The following USP32 variants were observed in gnomAD, a reference collection of about 807,000 sequenced individuals.
The protein encoded by USP32 is ubiquitin carboxyl-terminal hydrolase 32.
A neutral mutation model predicts 204.8 loss-of-function variants in USP32; 59 were observed. The observed-to-expected ratio is 0.29, with a 90% CI of 0.23 to 0.36. USP32 has a LOEUF of 0.36. Ranked by LOEUF, USP32 falls within the 10% of genes least tolerant of loss-of-function variation. The pLI is 1.00. For synonymous variants in USP32, 517 were observed against 678.4 expected (o/e 0.76, Z 3.70); for missense variants, 1,160 against 1,946.4 (o/e 0.60, Z 7.60).
At chr17:60,246,799 A>AT (rs1286136054) in intron 11 of USP32, among the ~76,000 whole-genome samples, 1 of 152,008 alleles carries the variant, frequency 6.6e-6, no homozygotes, top group Non-Finnish European at 1.5e-5. Flanking sequence ...GATGTTGAGC[A>AT]TTTTTTCATA....
At position 60,236,819 on chromosome 17, in the gene USP32, T is replaced by G. The variant is rs185481307; in HGVS notation, c.1137-579A>C. Among the ~76,000 whole-genome samples the G allele has an allele frequency of 1.8e-4, 27 of 152,340 alleles. 1 individual carries two copies. In the East Asian group the frequency reaches 4.6e-3, roughly 26 times the overall value. On this transcript the variant is annotated intron_variant, in intron 11 of 33. Coordinates refer to ENST00000300896, the MANE Select transcript of USP32 (RefSeq NM_032582.4). ...TCTTACAGATTTGTCTTTTCTCAAC[T>G]ATTCATATAAATAAAATGATAAAAC...
At chr17:60,318,159 A>T (rs1395922499) in intron 2 of USP32, among the ~76,000 whole-genome samples, 1 of 152,244 alleles carries the variant, frequency 6.6e-6, no homozygotes, top group African/African-American at 2.4e-5. Flanking sequence ...GAATTAAATC[A>T]AATTCATCTT....
intron 17 of USP32, among the ~76,000 whole-genome samples, chr17:60,214,049 C>T (rs1184303517): frequency 1.3e-5 from 2 of 151,716 alleles, no homozygotes; most frequent in Non-Finnish European, 1.5e-5. Context: ...TCAAGCAATT[C>T]TCCTGCCTCA....
chr17:60,182,435 G>A (rs554262521), intron 31 of USP32, among the ~76,000 whole-genome samples: 1 of 152,320 alleles, frequency 6.6e-6, no homozygotes, highest in South Asian at 2.1e-4. Context: ...GAGAATAAAA[G>A]TGAAAAGGCA....
At chr17:60,179,703 G>A (rs1462001421) in intron 33 of USP32, among the ~76,000 whole-genome samples, 11 of 152,118 alleles carry the variant, frequency 7.2e-5, no homozygotes, top group Non-Finnish European at 5.9e-5. Flanking sequence ...ATGGAGTCTC[G>A]CTCTGTCACC....
chr17:60,291,527 C>CTGTGTG (rs926146064), intron 4 of USP32, among the ~76,000 whole-genome samples: 7 of 140,826 alleles, frequency 5.0e-5, no homozygotes, highest in East Asian at 2.0e-4. Flanking sequence ...GCTTCTCTCT[C>CTGTGTG]TGTGTGTGTA....
intron 2 of USP32, among the ~76,000 whole-genome samples, chr17:60,336,970 AT>A (rs1421097264): frequency 2.0e-5 from 3 of 152,162 alleles, no homozygotes; most frequent in African/African-American, 7.2e-5. Context: ...CAAGTTAATC[AT>A]TTTACTATTA....
rs1199844621 is a variant in USP32 at position 60,259,853 on chromosome 17, T to C, written c.991-4595A>G. Among the ~76,000 whole-genome samples, 5 of 152,348 alleles carry C rather than the reference T, an allele frequency of 3.3e-5. No individual in the cohort carries two copies. The East Asian group carries it at 7.7e-4, about 23-fold the overall frequency. ...TCTTAGATCTGTTTATAGTTCACAT[T>C]TATTTCAAAGCTTAATATTAGAAGT... On this transcript the variant is annotated intron_variant, in intron 9 of 33. Coordinates refer to ENST00000300896, the MANE Select transcript of USP32 (RefSeq NM_032582.4).
intron 9 of USP32, among the ~76,000 whole-genome samples, chr17:60,261,179 G>A (rs1440576098): frequency 6.6e-6 from 1 of 152,146 alleles, no homozygotes. Flanking sequence ...CAATGATTCT[G>A]CACTGATGAC....
chr17:60,234,156 C>G (rs1324724491), intron 12 of USP32, among the ~76,000 whole-genome samples: 1 of 151,380 alleles, frequency 6.6e-6, no homozygotes, highest in Non-Finnish European at 1.5e-5. Flanking sequence ...CTCTGTCGCC[C>G]AGGCTGGAGT....
intron 20 of USP32, 108 bp from the exon 21 acceptor site, chr17:60,211,226 C>G: frequency 1.3e-6 from 2 of 1,502,940 alleles, no homozygotes; most frequent in Non-Finnish European, 1.8e-6. Flanking sequence ...CTTTTTGAAA[C>G]AAGAGATGTA....
intron 1 of USP32, among the ~76,000 whole-genome samples, chr17:60,380,514 G>T (rs898058794): frequency 6.6e-6 from 1 of 152,182 alleles, no homozygotes; most frequent in African/African-American, 2.4e-5. Context: ...GCTGCAGTGA[G>T]CAGTAAATGT....
chr17:60,391,718 C>T (rs973713834), intron 1 of USP32, among the ~76,000 whole-genome samples, 164 bp downstream of exon 1: 5 of 152,130 alleles, frequency 3.3e-5, no homozygotes, highest in African/African-American at 1.2e-4. Flanking sequence ...CGCTGCTTCC[C>T]ACCCGACCTC....
Position 60,309,375 on chromosome 17 carries a change from G to T in USP32, c.187-7671C>A, listed in dbSNP as rs150698699. Among the ~76,000 whole-genome samples the T allele has an allele frequency of 6.3e-3, 958 of 152,230 alleles. 5 individuals carry two copies. The highest frequency in any genetic ancestry group is 0.01 in the Middle Eastern group (3 of 294). On this transcript the variant is annotated intron_variant, in intron 2 of 33. Coordinates refer to ENST00000300896, the MANE Select transcript of USP32 (RefSeq NM_032582.4). ...AGCATTTTGGGAGGCTGACACAGGC[G>T]GATAACTTGAGCTCAGGAGTTCGAG...
chr17:60,220,375 A>C (rs142026337), intron 15 of USP32, among the ~76,000 whole-genome samples: 3,208 of 152,288 alleles, frequency 0.021, 134 homozygotes, highest in African/African-American at 0.073. Flanking sequence ...TTGTACTAGT[A>C]GTGAGGATGC....
At chr17:60,397,378 T>TA (rs2089907406) in intron 1 of USP32, among the ~76,000 whole-genome samples, 1 of 152,172 alleles carries the variant, frequency 6.6e-6, no homozygotes, top group Non-Finnish European at 1.5e-5. Context: ...TGTTGTTGTT[T>TA]AAGACACAGC....
At chr17:60,326,083 G>A (rs2088227622) in intron 2 of USP32, among the ~76,000 whole-genome samples, 1 of 151,746 alleles carries the variant, frequency 6.6e-6, no homozygotes. Flanking sequence ...ATTGAGCTAG[G>A]TAAGGATAGG....
At chr17:60,374,451 G>A (rs570344910) in intron 1 of USP32, among the ~76,000 whole-genome samples, 100 of 151,198 alleles carry the variant, frequency 6.6e-4, no homozygotes, top group African/African-American at 2.4e-3. Context: ...CTGGAAGAGT[G>A]CACTGGCGTG....
At chr17:60,270,941 C>G (rs975131016) in intron 6 of USP32, among the ~76,000 whole-genome samples, 1 of 151,772 alleles carries the variant, frequency 6.6e-6, no homozygotes, top group Non-Finnish European at 1.5e-5. Flanking sequence ...GCAATGGAAT[C>G]TTCTTATGTA....
Sources: allele counts gnomAD v4.1 joint callset (sites outside exome capture counted in the v4.1 genomes callset), GRCh38; gene constraint gnomAD v4.1.1; transcripts MANE v1.5; gene names NCBI Gene and HGNC (gene_info 2026-07-23, HGNC 2026-07-21).